CCDC73: variants seen among roughly 807,000 people sequenced by gnomAD.
CCDC73 encodes the protein coiled-coil domain containing 73.
In CCDC73, 95 loss-of-function variants were observed where a neutral mutation model predicts 116.5. The observed-to-expected ratio is 0.82, with a 90% CI of 0.69 to 0.97. The LOEUF (loss-of-function observed/expected upper bound fraction) is 0.97. Ranked by LOEUF, CCDC73 falls within the 50% of genes least tolerant of loss-of-function variation. CCDC73 has a pLI of 0.00. For synonymous variants in CCDC73, 398 were observed against 401.3 expected, an observed-to-expected ratio of 0.99 and a Z score of 0.10; for missense variants, 1,066 against 1,206.8, an observed-to-expected ratio of 0.88 and a Z score of 1.73.
intron 17 of CCDC73, chr11:32,603,686 T>A (rs1450842562): frequency 1.3e-5 from 2 of 152,238 alleles, no homozygotes; most frequent in African/African-American, 4.8e-5. Context: ...AATGTTTGTT[T>A]CCAGTTTATC....
At chr11:32,657,028 G>A (rs538931529) in intron 9 of CCDC73, among the ~76,000 whole-genome samples, 1 of 152,062 alleles carries the variant, frequency 6.6e-6, no homozygotes, top group Non-Finnish European at 1.5e-5. Context: ...AGTTATTAGA[G>A]GATAGAAAAT....
At position 32,675,574 on chromosome 11, in the gene CCDC73, A is replaced by G; in HGVS notation, c.636T>C (p.Ser212=). 1.3e-6 allele frequency: 2 copies of G among 1,571,166 alleles called. No homozygotes were observed. Among genetic ancestry groups the G allele is most frequent in the Non-Finnish European group, 1.7e-6 (2 of 1,154,996 alleles). ...ACTGTATCAATCATACCTTCTTTAA[A>G]CTGCATATTTCAGCTTCTTGTTTTT... is the stretch of plus-strand genomic sequence containing the variant. The part of the protein sequence containing the change: ...LNKKQEAEIC[S]LKKELKKAAS... The change falls in exon 9 of 18, where the codon AGT becomes AGC. Residue 212 remains serine, a synonymous_variant. Coordinates refer to ENST00000335185, the MANE Select transcript of CCDC73 (RefSeq NM_001008391.4).
At chr11:32,829,296 C>T in the CCDC73 span, among the ~76,000 whole-genome samples, 1 of 152,300 alleles carries the variant, frequency 6.6e-6, no homozygotes, top group African/African-American at 2.4e-5. Flanking sequence ...GACGTTATTA[C>T]ACTTCAAATA....
rs1476753601 is a variant in CCDC73, at chr11:32,755,875, ATATC to A, written c.135+4230_135+4233del. On this transcript the variant is annotated intron_variant, in intron 2 of 17. Transcript: ENST00000335185. ...TGTGTGTGTATATATCTCCATATAT[ATATC>A]TGTGTATATATCTCCATATATATCT... Among the ~76,000 whole-genome samples the A allele has an allele frequency of 1.3e-4, 16 of 121,804 alleles. 3 individuals are homozygous for A. Among genetic ancestry groups the A allele is most frequent in the African/African-American group, 4.4e-4 (14 of 31,534 alleles). 79.9% of individuals were successfully genotyped at this position (121,804 alleles called of 152,430 possible). A position where few individuals can be genotyped will look rare whatever the true frequency, so the allele number is the denominator to read the frequency against.
chr11:32,776,930 AAAAAAAATATATATATATAT>A (rs201575662), intron 1 of CCDC73, among the ~76,000 whole-genome samples: 3 of 21,088 alleles, frequency 1.4e-4, no homozygotes, highest in South Asian at 2.8e-3. Flanking sequence ...ATGGTTAAAA[AAAAAAAATATATATATATAT>A]ATATATATAT....
At chr11:32,746,478 G>T (rs1850240629) in intron 2 of CCDC73, among the ~76,000 whole-genome samples, 1 of 152,142 alleles carries the variant, frequency 6.6e-6, no homozygotes, top group Non-Finnish European at 1.5e-5. Context: ...GGCCTGCCTT[G>T]CTAGGTTGGG....
the CCDC73 span, among the ~76,000 whole-genome samples, chr11:32,815,242 C>T: frequency 1.3e-5 from 2 of 151,992 alleles, no homozygotes; most frequent in Middle Eastern, 3.2e-3. Context: ...AAAGCAAGTA[C>T]GTGCTGGGTG....
intron 14 of CCDC73, among the ~76,000 whole-genome samples, chr11:32,624,555 A>C (rs901037630): frequency 1.1e-4 from 17 of 152,046 alleles, no homozygotes; most frequent in African/African-American, 3.9e-4. Context: ...CGGACTTAGA[A>C]AGATATCCAC....
intron 2 of CCDC73, among the ~76,000 whole-genome samples, chr11:32,741,207 A>C (rs535529688): frequency 1.3e-5 from 2 of 152,030 alleles, no homozygotes; most frequent in Non-Finnish European, 2.9e-5. Context: ...AGTACAGATT[A>C]AGTCCAGTGT....
the CCDC73 span, among the ~76,000 whole-genome samples, chr11:32,812,019 A>T: frequency 6.6e-6 from 1 of 151,786 alleles, no homozygotes; most frequent in African/African-American, 2.4e-5. Context: ...CTTCTACTGA[A>T]TGGGGGTGTG....
the CCDC73 span, among the ~76,000 whole-genome samples, chr11:32,821,790 C>T: frequency 6.6e-6 from 1 of 152,204 alleles, no homozygotes; most frequent in Non-Finnish European, 1.5e-5. Context: ...CCTCCTGATT[C>T]ACTTACTAAA....
At chr11:32,715,789 A>G (rs1206942254) in intron 3 of CCDC73, among the ~76,000 whole-genome samples, 1 of 152,198 alleles carries the variant, frequency 6.6e-6, no homozygotes, top group Non-Finnish European at 1.5e-5. Context: ...AAATTATATC[A>G]CTGTTTGTTT....
intron 1 of CCDC73, among the ~76,000 whole-genome samples, chr11:32,768,330 G>C (rs766495362): frequency 7.2e-5 from 11 of 152,176 alleles, no homozygotes; most frequent in Admixed American, 2.0e-4. Context: ...CATGGGGTTG[G>C]GGGAGTGGGC....
At chr11:32,699,419 C>T (rs1373169429) in intron 5 of CCDC73, 94 bp from the exon 6 acceptor site, 7 of 1,266,222 alleles carry the variant, frequency 5.5e-6, no homozygotes, top group Non-Finnish European at 3.0e-6. Flanking sequence ...AAGTAAAAAA[C>T]TGTATTTCAA....
the CCDC73 span, among the ~76,000 whole-genome samples, chr11:32,826,028 A>G: frequency 6.6e-6 from 1 of 152,172 alleles, no homozygotes; most frequent in Non-Finnish European, 1.5e-5. Flanking sequence ...GACCCCTCAC[A>G]CTGTTCTTTT....
rs116068474 is a variant in CCDC73, at chr11:32,631,485, G to A, written c.1185+4211C>T. Among the ~76,000 whole-genome samples, 1,086 of 152,100 alleles carry A rather than the reference G, an allele frequency of 7.1e-3. 17 individuals carry two copies. Among genetic ancestry groups the A allele is most frequent in the African/African-American group, 0.025 (1,048 of 41,490 alleles). The stretch of plus-strand genomic sequence containing the variant: ...AAATTAAACAACATATTTCCAATGG[G>A]TGATACTCAATACCCATGGGTCAGA... On this transcript the variant is annotated intron_variant, in intron 14 of 17. Transcript: ENST00000335185.
At chr11:32,743,165 T>G (rs1850204473) in intron 2 of CCDC73, among the ~76,000 whole-genome samples, 1 of 152,330 alleles carries the variant, frequency 6.6e-6, no homozygotes, top group East Asian at 1.9e-4. Flanking sequence ...ATATGAACTT[T>G]AAAGTAGTTT....
chr11:32,817,681 A>C, the CCDC73 span, among the ~76,000 whole-genome samples: 2 of 152,192 alleles, frequency 1.3e-5, no homozygotes, highest in Admixed American at 6.5e-5. Context: ...ACTCACGTAC[A>C]AACTCTTCAG....
In CCDC73 at chr11:32,750,742, A is replaced by G. The variant is rs148691957; in HGVS notation, c.135+9367T>C. Among the ~76,000 whole-genome samples the G allele has an allele frequency of 7.2e-3, 1,097 of 152,128 alleles. 17 individuals carry two copies. Among genetic ancestry groups the G allele is most frequent in the African/African-American group, 0.025 (1,057 of 41,482 alleles). On this transcript the variant is annotated intron_variant, in intron 2 of 17. Coordinates refer to ENST00000335185, the MANE Select transcript of CCDC73 (RefSeq NM_001008391.4). ...CCTCTGGCCCAGGGTAGGTCCAGAG[A>G]TGCTGTCCATGAGCCAATGCCTGGA...
Sources: allele counts gnomAD v4.1 joint callset (sites outside exome capture counted in the v4.1 genomes callset), GRCh38; gene constraint gnomAD v4.1.1; transcripts MANE v1.5; gene names NCBI Gene and HGNC (gene_info 2026-07-23, HGNC 2026-07-21).